The following RAB38 variants were observed in gnomAD, a reference collection of about 807,000 sequenced individuals.
The protein encoded by RAB38 is ras-related protein Rab-38.
RAB38 carries 15 observed loss-of-function variants against 18.4 expected under a neutral mutation model. The ratio of observed to expected loss-of-function variants is 0.82; its 90% CI spans 0.55 to 1.26. The LOEUF is 1.26. Among genes scored for constraint, RAB38 ranks in the 50% most tolerant of loss-of-function variants. RAB38 has a pLI of 0.00. For missense variants in RAB38, 294 were observed against 267.4 expected, an observed-to-expected ratio of 1.10 and a Z score of -0.69; for synonymous variants, 101 against 104.4, an observed-to-expected ratio of 0.97 and a Z score of 0.20.
chr11:87,844,734 C>T, the RAB38 span, among the ~76,000 whole-genome samples: 6 of 152,254 alleles, frequency 3.9e-5, no homozygotes, highest in African/African-American at 4.8e-5. Context: ...CACTTTCACC[C>T]TAATCAATCT....
chr11:88,142,963 C>G (rs1342910638), intron 2 of RAB38, among the ~76,000 whole-genome samples: 1 of 152,200 alleles, frequency 6.6e-6, no homozygotes, highest in East Asian at 1.9e-4. Flanking sequence ...TCCTAGAGAT[C>G]AGGACCACAT....
the RAB38 span, among the ~76,000 whole-genome samples, chr11:87,820,382 T>C: frequency 5.3e-5 from 8 of 152,162 alleles, no homozygotes; most frequent in African/African-American, 7.2e-5. Flanking sequence ...GAAGAAACAA[T>C]TGTCTTTTAA....
chr11:88,019,218 C>G, the RAB38 span, among the ~76,000 whole-genome samples: 1 of 152,260 alleles, frequency 6.6e-6, no homozygotes, highest in South Asian at 2.1e-4. Flanking sequence ...ATACCACAAA[C>G]CTGCTCCATC....
the RAB38 span, among the ~76,000 whole-genome samples, chr11:88,023,308 T>G: frequency 2.7e-5 from 4 of 150,870 alleles, no homozygotes; most frequent in Non-Finnish European, 5.9e-5. Context: ...TTTATAATAG[T>G]AACAAATAAA....
chr11:88,126,182 T>C (rs1042498935), intron 2 of RAB38, among the ~76,000 whole-genome samples: 2 of 152,182 alleles, frequency 1.3e-5, no homozygotes, highest in Non-Finnish European at 2.9e-5. Context: ...TGGCTTAGGA[T>C]TGACTTGGCA....
chr11:87,878,222 T>TAC, the RAB38 span, among the ~76,000 whole-genome samples: 7,722 of 116,192 alleles, frequency 0.066, 1,192 homozygotes, highest in African/African-American at 0.23. Context: ...TATATATATA[T>TAC]ACACACATAT....
At chr11:87,891,379 C>T in the RAB38 span, among the ~76,000 whole-genome samples, 1 of 151,820 alleles carries the variant, frequency 6.6e-6, no homozygotes, top group African/African-American at 2.4e-5. Context: ...TTTATCATTA[C>T]ACACAGAGGA....
At chr11:87,935,299 T>TC in the RAB38 span, among the ~76,000 whole-genome samples, 3 of 151,958 alleles carry the variant, frequency 2.0e-5, no homozygotes, top group East Asian at 5.8e-4. Flanking sequence ...CCACACATCT[T>TC]CCCCCTTTTC....
the RAB38 span, among the ~76,000 whole-genome samples, chr11:87,869,850 C>A: frequency 1.3e-5 from 2 of 151,620 alleles, no homozygotes; most frequent in East Asian, 3.9e-4. Flanking sequence ...TTACCACATT[C>A]ACAAAAGGGT....
chr11:88,043,602 A>AGC, the RAB38 span, among the ~76,000 whole-genome samples: 2 of 114,408 alleles, frequency 1.7e-5, no homozygotes, highest in African/African-American at 3.9e-5. Flanking sequence ...GCACCTTGTG[A>AGC]CCCCCCCACC....
At chr11:87,889,922 A>T in the RAB38 span, among the ~76,000 whole-genome samples, 1 of 151,844 alleles carries the variant, frequency 6.6e-6, no homozygotes, top group Non-Finnish European at 1.5e-5. Flanking sequence ...ACTTCATTAT[A>T]TTAGAGACAC....
chr11:88,098,019 C>A, the RAB38 span: 1 of 151,890 alleles, frequency 6.6e-6, no homozygotes, highest in Non-Finnish European at 1.5e-5. Context: ...TTTGATTTAT[C>A]AAGGGGAATG....
the RAB38 span, among the ~76,000 whole-genome samples, chr11:87,949,623 A>G: frequency 1.3e-5 from 2 of 152,100 alleles, no homozygotes; most frequent in African/African-American, 2.4e-5. Context: ...GAACATCTTT[A>G]TTTCTGCCTT....
At position 88,113,508 on chromosome 11, in the gene RAB38, T is replaced by C. The variant is rs150925814; in HGVS notation, c.*480A>G. ...AAAGAGCTAACTCAGAGGCAACTCT[T>C]AGGTCTGCCGAGAATGGAGGTCATC... On this transcript the variant is annotated 3_prime_UTR_variant, in exon 3 of 3. Coordinates refer to ENST00000243662, the MANE Select transcript of RAB38 (RefSeq NM_022337.3). 7.3e-3 allele frequency: 1,179 copies of C among 161,548 alleles called. 7 individuals are homozygous for C. The highest frequency in any genetic ancestry group is 0.012 in the Non-Finnish European group (880 of 72,670). 10.0% of individuals were successfully genotyped at this position (161,548 alleles called of 1,614,324 possible). A position where few individuals can be genotyped will look rare whatever the true frequency, so the allele number is the denominator to read the frequency against.
the RAB38 span, among the ~76,000 whole-genome samples, chr11:87,878,297 T>TCTAC: frequency 1.4e-5 from 2 of 139,622 alleles, no homozygotes; most frequent in Non-Finnish European, 3.1e-5. Context: ...TATCTATCTA[T>TCTAC]CTACCTATCA....
the RAB38 span, among the ~76,000 whole-genome samples, chr11:87,894,853 A>C: frequency 6.6e-6 from 1 of 151,448 alleles, no homozygotes; most frequent in Admixed American, 6.6e-5. Context: ...TATAGGCAAA[A>C]TGTATAGTAT....
At chr11:88,104,126 T>A in the RAB38 span, among the ~76,000 whole-genome samples, 1 of 152,176 alleles carries the variant, frequency 6.6e-6, no homozygotes, top group East Asian at 1.9e-4. Flanking sequence ...AAGCAAGGGG[T>A]GGGAAGTTGG....
chr11:87,839,134 T>C, the RAB38 span, among the ~76,000 whole-genome samples: 1 of 152,214 alleles, frequency 6.6e-6, no homozygotes, highest in Non-Finnish European at 1.5e-5. Flanking sequence ...TTTAATGGTT[T>C]TTATACATTT....
chr11:88,023,054 G>A, the RAB38 span, among the ~76,000 whole-genome samples: 3 of 152,000 alleles, frequency 2.0e-5, no homozygotes, highest in African/African-American at 2.4e-5. Context: ...ATGGGTGTTA[G>A]GCTTAATAAC....
Sources: allele counts gnomAD v4.1 joint callset (sites outside exome capture counted in the v4.1 genomes callset), GRCh38; gene constraint gnomAD v4.1.1; transcripts MANE v1.5; gene names NCBI Gene and HGNC (gene_info 2026-07-23, HGNC 2026-07-21).